Variants in MTR observed in about 807,000 individuals in gnomAD.
MTR encodes methionine synthase.
MTR carries 84 observed loss-of-function variants against 154.8 expected under a neutral mutation model. That is an observed-to-expected ratio of 0.54 (90% confidence interval 0.45 to 0.65). The LOEUF (loss-of-function observed/expected upper bound fraction) is 0.65. MTR is among the 30% of genes least tolerant of loss of function. The probability of loss-of-function intolerance (pLI) is 0.00; values close to 1 mark genes in which losing one functional copy is unlikely to be tolerated. For synonymous variants in MTR, 554 were observed against 553.9 expected (o/e 1.00, Z 0.00); for missense variants, 1,275 against 1,570.2 (o/e 0.81, Z 3.18).
In MTR at chr1:236,816,437, T is replaced by G; in HGVS notation, c.670-12T>G. 2 of 1,611,724 alleles carry G rather than the reference T, an allele frequency of 1.2e-6. No homozygotes were observed. Among genetic ancestry groups the G allele is most frequent in the Non-Finnish European group, 1.7e-6 (2 of 1,177,794 alleles). ...GTCTGTATTGTTGACTTTGTTTACT[T>G]TGTCAATTCAGATTTCAGGGACGAT... On this transcript the variant is annotated splice_polypyrimidine_tract_variant and intron_variant, in intron 7 of 32. Transcript: ENST00000366577.
At position 236,852,578 on chromosome 1, in the gene MTR, C is replaced by T. The variant is rs121913580; in HGVS notation, c.1753C>T (p.Arg585Ter). ...TCTTTCCAACTTGTCCTTCTCCTTC[C>T]GAGGAATGGAAGCCATTCGAGAAGC... ...GGLSNLSFSF[R>*]GMEAIREAMH... The change falls in exon 17 of 33, where the codon CGA (arginine) becomes TGA (stop). Residue 585 changes from arginine to a stop codon, truncating the protein, a stop_gained. Transcript: ENST00000366577. LOFTEE classifies it high-confidence loss of function. 38 of 1,613,900 alleles carry T rather than the reference C, an allele frequency of 2.4e-5. No homozygotes were observed. Among genetic ancestry groups the T allele is most frequent in the Non-Finnish European group, 2.8e-5 (33 of 1,179,976 alleles).
intron 29 of MTR, among the ~76,000 whole-genome samples, chr1:236,893,033 G>A (rs1199655922): frequency 2.0e-5 from 3 of 152,156 alleles, no homozygotes; most frequent in Non-Finnish European, 4.4e-5. Flanking sequence ...GAACATTCTG[G>A]TGGCAGTGCC....
Position 236,813,554 on chromosome 1 carries a change from CTGTT to C in MTR, c.609+713_609+716del, listed in dbSNP as rs201207264. ...CTCACTAGCACTGTGTATTATTAAA[CTGTT>C]TGACCTTTTCCAGTTTGACAGGTGG... On this transcript the variant is annotated intron_variant, in intron 6 of 32. Transcript: ENST00000366577. Among the ~76,000 whole-genome samples, 16 of 152,300 alleles carry C rather than the reference CTGTT, an allele frequency of 1.1e-4. No individual in the cohort carries two copies. The East Asian group carries it at 2.5e-3, about 24-fold the overall frequency.
chr1:236,832,431 A>G (rs1662664892), intron 13 of MTR, among the ~76,000 whole-genome samples: 1 of 152,236 alleles, frequency 6.6e-6, no homozygotes, highest in Admixed American at 6.5e-5. Context: ...GGGAAAGACA[A>G]GAAAATTCCT....
At chr1:236,806,074 A>G (rs1276102396) in intron 2 of MTR, 70 bp from the exon 3 acceptor site, 1 of 1,267,450 alleles carries the variant, frequency 7.9e-7, no homozygotes. Flanking sequence ...TGGTAATGAA[A>G]GGGCATGTTT....
chr1:236,870,280 C>G (rs907646928), intron 22 of MTR, among the ~76,000 whole-genome samples: 1 of 152,218 alleles, frequency 6.6e-6, no homozygotes, highest in African/African-American at 2.4e-5. Context: ...ACCCAGGCCT[C>G]TGGCTCAGTG....
intron 15 of MTR, among the ~76,000 whole-genome samples, chr1:236,846,617 A>C (rs1663590144): frequency 1.3e-5 from 2 of 152,232 alleles, no homozygotes; most frequent in Non-Finnish European, 2.9e-5. Context: ...TCATTGAGGA[A>C]CATGGCGTGT....
chr1:236,865,417 A>T (rs1478995264), intron 22 of MTR, among the ~76,000 whole-genome samples: 5 of 152,324 alleles, frequency 3.3e-5, no homozygotes, highest in Non-Finnish European at 7.4e-5. Context: ...GTCTTATGGA[A>T]TAATGTGTAC....
At chr1:236,815,571 A>C (rs749058176) in intron 6 of MTR, 33 bp from the exon 7 acceptor site, 1 of 1,611,866 alleles carries the variant, frequency 6.2e-7, no homozygotes, top group Non-Finnish European at 8.5e-7. Flanking sequence ...ACACTCTCAG[A>C]AATAAAGACG....
rs1298323575 is a variant in MTR at position 236,819,274 on chromosome 1, TG to T, written c.764+2733del. Among the ~76,000 whole-genome samples, 6 of 152,322 alleles carry T rather than the reference TG, an allele frequency of 3.9e-5. No individual in the cohort carries two copies. In the East Asian group the frequency reaches 9.6e-4, roughly 24 times the overall value. ...TGCTCCAGTTATTTATTCTTTTTCC[TG>T]GCCTGCTGGCAACAAATCTTCTCAC... is the stretch of plus-strand genomic sequence containing the variant. On this transcript the variant is annotated intron_variant, in intron 8 of 32. Coordinates refer to ENST00000366577, the MANE Select transcript of MTR (RefSeq NM_000254.3).
intron 13 of MTR, among the ~76,000 whole-genome samples, chr1:236,833,577 C>T (rs1662738030): frequency 6.6e-6 from 1 of 152,114 alleles, no homozygotes; most frequent in Non-Finnish European, 1.5e-5. Context: ...GCTATCTCTG[C>T]CTAGTGGAAA....
At position 236,895,388 on chromosome 1, in the gene MTR, C is replaced by G; in HGVS notation, c.3436C>G (p.Arg1146Gly). ...AFAEELHERV[R>G]RELWAYCGSE... is the part of the protein sequence containing the mutation. The stretch of plus-strand genomic sequence containing the variant: ...TGCAGAAGAGCTCCATGAAAGAGTT[C>G]GCCGAGAACTGTGGGCCTACTGTGG... Residue 1146 changes from arginine to glycine, a missense_variant, in exon 31 of 33, where the codon CGC becomes GGC. Arg to Gly is a moderately radical substitution (Grantham distance 125). Transcript: ENST00000366577. 6.2e-7 allele frequency: 1 copy of G among 1,603,432 alleles called. No individual in the cohort carries two copies. Among genetic ancestry groups the G allele is most frequent in the Non-Finnish European group, 8.5e-7 (1 of 1,174,602 alleles).
chr1:236,839,019 T>C (rs1663074371), intron 15 of MTR, among the ~76,000 whole-genome samples: 1 of 152,190 alleles, frequency 6.6e-6, no homozygotes, highest in Non-Finnish European at 1.5e-5. Context: ...AACAGAAAAT[T>C]TACAGTAAAA....
At chr1:236,841,898 T>A (rs966059550) in intron 15 of MTR, among the ~76,000 whole-genome samples, 1 of 151,346 alleles carries the variant, frequency 6.6e-6, no homozygotes, top group African/African-American at 2.4e-5. Flanking sequence ...TAACTCTTTT[T>A]TTTTTTTTTT....
At chr1:236,891,837 G>A (rs1464023202) in intron 29 of MTR, among the ~76,000 whole-genome samples, 1 of 152,134 alleles carries the variant, frequency 6.6e-6, no homozygotes, top group Non-Finnish European at 1.5e-5. Context: ...GCCGTGTGAG[G>A]CAGTTTAAGT....
chr1:236,897,049 A>G lies in MTR; in HGVS notation c.3642A>G (p.Ala1214=), dbSNP rs752113434. 6.2e-7 allele frequency: 1 copy of G among 1,613,992 alleles called. No homozygotes were observed. Among genetic ancestry groups the G allele is most frequent in the African/African-American group, 1.3e-5 (1 of 74,916 alleles). The change falls in exon 32 of 33, where the codon GCA becomes GCG. Residue 1214 remains alanine (A), a synonymous_variant. Transcript: ENST00000366577. ...CATTAGCAATGGCACCTGCTTCAGCAGTCTCAGGCCTCTACTTCTCCAATT... is the reference window on the plus strand; with the variant it reads ...CATTAGCAATGGCACCTGCTTCAGCGGTCTCAGGCCTCTACTTCTCCAATT... ...TESLAMAPAS[A]VSGLYFSNLK... is the part of the protein sequence containing the mutation.
chr1:236,891,425 T>C, intron 29 of MTR, 96 bp downstream of exon 29: 1 of 1,235,466 alleles, frequency 8.1e-7, no homozygotes, highest in East Asian at 2.4e-5. Flanking sequence ...CTGCTTCACC[T>C]CCTCCCAAAT....
At position 236,795,307 on chromosome 1, in the gene MTR, C is replaced by G; in HGVS notation, c.-397C>G. ...GATTGAGCGCAGAACTAACCGCGCT[C>G]TGAAAGGTTCTAAATGTCTGCGGGG... On this transcript the variant is annotated 5_prime_UTR_variant, in exon 1 of 33. Coordinates refer to ENST00000366577, the MANE Select transcript of MTR (RefSeq NM_000254.3). 1 of 1,227,702 alleles carries G rather than the reference C, an allele frequency of 8.1e-7. No individual in the cohort carries two copies. Among genetic ancestry groups the G allele is most frequent in the Non-Finnish European group, 1.0e-6 (1 of 959,828 alleles). The allele number at this position is 1,227,702 out of a possible 1,614,324, so 76.1% of individuals were successfully genotyped here.
intron 1 of MTR, among the ~76,000 whole-genome samples, 178 bp downstream of exon 1, chr1:236,795,915 C>G (rs1293831483): frequency 6.6e-6 from 1 of 152,260 alleles, no homozygotes; most frequent in East Asian, 1.9e-4. Context: ...TTTTGCTCCA[C>G]TCTTTGTCCG....
Sources: gnomAD v4.1 joint callset for allele counts (sites outside exome capture counted in the v4.1 genomes callset) on GRCh38, gnomAD v4.1.1 for gene constraint, MANE v1.5 for transcripts, NCBI Gene and HGNC (gene_info 2026-07-23, HGNC 2026-07-21) for gene names.